VEGFA: variants seen among roughly 807,000 people sequenced by gnomAD.
VEGFA encodes the protein vascular endothelial growth factor A, long form.
A neutral mutation model predicts 49.7 loss-of-function variants in VEGFA; 20 were observed. That is an observed-to-expected ratio of 0.40 (90% CI 0.28 to 0.58). The LOEUF is 0.58. Ranked by LOEUF, VEGFA falls within the 20% of genes least tolerant of loss-of-function variation. The pLI is 0.40. For missense variants in VEGFA, 505 were observed against 553.5 expected, an observed-to-expected ratio of 0.91 and a Z score of 0.88; for synonymous variants, 219 against 223.4, an observed-to-expected ratio of 0.98 and a Z score of 0.18.
At chr6:43,776,355 G>C (rs771577949) in intron 2 of VEGFA, 4 of 152,288 alleles carry the variant, frequency 2.6e-5, no homozygotes, top group African/African-American at 9.6e-5. Flanking sequence ...TGGTAGTGGT[G>C]GTGGGGTGCG....
In VEGFA at chr6:43,774,222, T is replaced by C. The variant is rs3024989; in HGVS notation, c.607-119T>C. ...TTGTGTCCTGTTCGACTCAGAAGAC[T>C]TGGAGAAGCCAGAGGCTGTTGGTGG... On this transcript the variant is annotated intron_variant, in intron 1 of 7. Transcript: ENST00000672860. 1,981 of 1,086,992 alleles carry C rather than the reference T, an allele frequency of 1.8e-3. 20 individuals carry two copies. In the African/African-American group the frequency reaches 0.027, roughly 15 times the overall value. 67.3% of individuals were successfully genotyped at this position (1,086,992 alleles called of 1,614,324 possible).
Position 43,770,597 on chromosome 6 carries a change from G to C in VEGFA, c.-110G>C. The C allele has an allele frequency of 2.1e-6, 3 of 1,423,208 alleles. No homozygotes were observed. The highest frequency in any genetic ancestry group is 2.7e-6 in the Non-Finnish European group (3 of 1,094,346). The allele number at this position is 1,423,208 out of a possible 1,614,324, so 88.2% of individuals were successfully genotyped here. On this transcript the variant is annotated 5_prime_UTR_variant, in exon 1 of 8. Transcript: ENST00000672860. ...ACGGGGTCAGAGAGAGCGCGCGGGC[G>C]TGCGAGCAGCGAAAGCGACAGGGGC...
Position 43,770,607 on chromosome 6 carries a change from C to T in VEGFA, c.-100C>T. ...AGAGAGCGCGCGGGCGTGCGAGCAG[C>T]GAAAGCGACAGGGGCAAAGTGAGTG... is the stretch of plus-strand genomic sequence containing the variant. On this transcript the variant is annotated 5_prime_UTR_variant, in exon 1 of 8. Transcript: ENST00000672860. 2.1e-6 allele frequency: 3 copies of T among 1,431,832 alleles called. No homozygotes were observed. The highest frequency in any genetic ancestry group is 2.7e-6 in the Non-Finnish European group (3 of 1,099,730). 88.7% of individuals were successfully genotyped at this position (1,431,832 alleles called of 1,614,324 possible).
chr6:43,771,946 C>G (rs1301841466), intron 1 of VEGFA: 1 of 931,490 alleles, frequency 1.1e-6, no homozygotes, highest in South Asian at 4.9e-5. Flanking sequence ...CGCCCTCCCC[C>G]GCCCGGCCGG....
At position 43,782,496 on chromosome 6, in the gene VEGFA, A is replaced by T. The variant is rs183733403; in HGVS notation, c.1166+409A>T. 1.8e-4 allele frequency: 57 copies of T among 311,030 alleles called. No individual in the cohort carries two copies. In the East Asian group the frequency reaches 3.8e-3, roughly 21 times the overall value. The allele number at this position is 311,030 out of a possible 1,614,324, so 19.3% of individuals were successfully genotyped here. A position where few individuals can be genotyped will look rare whatever the true frequency, so the allele number is the denominator to read the frequency against. On this transcript the variant is annotated intron_variant, in intron 7 of 7. Transcript: ENST00000672860. Reference sequence around the variant, plus strand: ...CAGGTGTGGACAATGTCAACAAAGCACAGATGCTCTCGCTGGGGCCTTGCC... The same window carrying T: ...CAGGTGTGGACAATGTCAACAAAGCTCAGATGCTCTCGCTGGGGCCTTGCC...
chr6:43,774,747 A>C (rs1032966504), intron 2 of VEGFA: 1 of 436,952 alleles, frequency 2.3e-6, no homozygotes, highest in Non-Finnish European at 4.3e-6. Flanking sequence ...GTGGACATTT[A>C]GTGTCATTTC....
chr6:43,771,321 T>A lies in VEGFA; in HGVS notation c.606+9T>A. The A allele has an allele frequency of 6.3e-7, 1 of 1,596,524 alleles. No individual in the cohort carries two copies. Among genetic ancestry groups the A allele is most frequent in the East Asian group, 2.3e-5 (1 of 42,984 alleles). On this transcript the variant is annotated intron_variant, in intron 1 of 7. Coordinates refer to ENST00000672860, the MANE Select transcript of VEGFA (RefSeq NM_003376.6). ...ACCTCCACCATGCCAAGGTAAGCGG[T>A]CGTGCCCTGCTGGCGCCGCGGGCCG...
Position 43,777,009 on chromosome 6 carries a change from A to G in VEGFA, c.659-460A>G, listed in dbSNP as rs1195522681. 3.0e-6 allele frequency: 1 copy of G among 330,814 alleles called. No homozygotes were observed. Among genetic ancestry groups the G allele is most frequent in the Non-Finnish European group, 6.0e-6 (1 of 167,692 alleles). The allele number at this position is 330,814 out of a possible 1,614,324, so 20.5% of individuals were successfully genotyped here. ...ACTCAGGATGTAGTAAGTGCTCAAT[A>G]AACAGCTGTTGGTATGGTTGACGTT... On this transcript the variant is annotated intron_variant, in intron 2 of 7. Transcript: ENST00000672860. This position sits in a 1 kb window ranked among gnomAD's most constrained non-coding sequence, Gnocchi z 4.3.
Position 43,778,047 on chromosome 6 carries a change from C to G in VEGFA, c.855+382C>G, listed in dbSNP as rs372725517. ...AGTTTAAAAAGTCTTTTGGTGTTAC[C>G]TGGTAATGGGGCACATCTCAGCCCA... On this transcript the variant is annotated intron_variant, in intron 3 of 7. Coordinates refer to ENST00000672860, the MANE Select transcript of VEGFA (RefSeq NM_003376.6). The G allele has an allele frequency of 1.4e-4, 62 of 435,020 alleles. No homozygotes were observed. The East Asian group carries it at 1.5e-3, about 11-fold the overall frequency. 26.9% of individuals were successfully genotyped at this position (435,020 alleles called of 1,614,324 possible).
At chr6:43,782,230 T>A in intron 7 of VEGFA, 143 bp downstream of exon 7, 1 of 1,231,790 alleles carries the variant, frequency 8.1e-7, no homozygotes, top group Non-Finnish European at 1.1e-6. Context: ...GCTGCCTGCC[T>A]GGTGACTGCT....
Position 43,770,794 on chromosome 6 carries a change from C to T in VEGFA, c.88C>T (p.Arg30Cys). The T allele has an allele frequency of 6.7e-7, 1 of 1,487,152 alleles. No homozygotes were observed. The highest frequency in any genetic ancestry group is 8.9e-7 in the Non-Finnish European group (1 of 1,122,768). The allele number at this position is 1,487,152 out of a possible 1,614,324, so 92.1% of individuals were successfully genotyped here. A position where few individuals can be genotyped will look rare whatever the true frequency, so the allele number is the denominator to read the frequency against. Residue 30 changes from arginine to cysteine, a missense_variant, in exon 1 of 8, where the codon CGC becomes TGC. Arg to Cys is a radical substitution (Grantham distance 180). Transcript: ENST00000672860. The stretch of plus-strand genomic sequence containing the variant: ...GCGGACAGTGGACGCGGCGGCGAGC[C>T]GCGGGCAGGGGCCGGAGCCCGCGCC...
chr6:43,779,071 A>C (rs1259802399), intron 5 of VEGFA, 153 bp downstream of exon 5: 2 of 939,608 alleles, frequency 2.1e-6, no homozygotes, highest in Non-Finnish European at 3.5e-6. Flanking sequence ...AATGGGATGG[A>C]GCCAACTCCA....
At position 43,786,051 on chromosome 6, in the gene VEGFA, G is replaced by A. The variant is rs1049160; in HGVS notation, c.*1489G>A. The A allele has an allele frequency of 0.011, 1,939 of 181,638 alleles. 45 individuals are homozygous for A. The highest frequency in any genetic ancestry group is 0.043 in the African/African-American group (1,827 of 42,350). The allele number at this position is 181,638 out of a possible 1,614,324, so 11.3% of individuals were successfully genotyped here. A position where few individuals can be genotyped will look rare whatever the true frequency, so the allele number is the denominator to read the frequency against. On this transcript the variant is annotated 3_prime_UTR_variant, in exon 8 of 8. Transcript: ENST00000672860. Reference sequence around the variant, plus strand: ...GCTAACACTCAGCTCTGCCCTCCCCGATCCCCTGGCTCCCCAGCACACATT... The same window carrying A: ...GCTAACACTCAGCTCTGCCCTCCCCAATCCCCTGGCTCCCCAGCACACATT...
At position 43,781,876 on chromosome 6, in the gene VEGFA, G is replaced by A. The variant is rs370032305; in HGVS notation, c.1035-80G>A. 42 of 1,579,152 alleles carry A rather than the reference G, an allele frequency of 2.7e-5. 1 individual carries two copies. The South Asian group carries it at 4.5e-4, about 17-fold the overall frequency. ...TGGGGGTGCAGCTGCGGACATGTTA[G>A]GGGGTGTTGCATGGTGATTTTTTTT... On this transcript the variant is annotated intron_variant, in intron 6 of 7. Transcript: ENST00000672860.
intron 5 of VEGFA, 49 bp from the exon 6 acceptor site, chr6:43,780,683 C>G (rs1243614236): frequency 1.1e-5 from 17 of 1,570,078 alleles, no homozygotes; most frequent in Non-Finnish European, 1.4e-5. Flanking sequence ...TTCTTTTACT[C>G]CCCCCACCGC....
Position 43,780,717 on chromosome 6 carries a change from T to A in VEGFA, c.963-15T>A, listed in dbSNP as rs778370178. 6.2e-7 allele frequency: 1 copy of A among 1,613,712 alleles called. No homozygotes were observed. The highest frequency in any genetic ancestry group is 1.7e-5 in the Admixed American group (1 of 59,984). On this transcript the variant is annotated splice_polypyrimidine_tract_variant and intron_variant, in intron 5 of 7. Transcript: ENST00000672860. ...GCCCCCGCTCTCTCTCTGTCTCTGT[T>A]TTTTTATTTTCCAGAAAATCAGTTC... is the stretch of plus-strand genomic sequence containing the variant.
chr6:43,780,901 G>T, intron 6 of VEGFA, 98 bp downstream of exon 6: 2 of 1,610,034 alleles, frequency 1.2e-6, no homozygotes, highest in Non-Finnish European at 1.7e-6. Context: ...TCCCTCCCCT[G>T]GTCCTTCCCT....
chr6:43,771,316 A>G lies in VEGFA; in HGVS notation c.606+4A>G, dbSNP rs778406447. The G allele has an allele frequency of 6.2e-7, 1 of 1,601,432 alleles. No homozygotes were observed. ...GCTCTACCTCCACCATGCCAAGGTAAGCGGTCGTGCCCTGCTGGCGCCGCG... is the reference window on the plus strand; with the variant it reads ...GCTCTACCTCCACCATGCCAAGGTAGGCGGTCGTGCCCTGCTGGCGCCGCG... On this transcript the variant is annotated splice_donor_region_variant and intron_variant, in intron 1 of 7. Coordinates refer to ENST00000672860, the MANE Select transcript of VEGFA (RefSeq NM_003376.6).
rs1769214881 is a variant in VEGFA at position 43,784,961 on chromosome 6, C to G, written c.*399C>G. On this transcript the variant is annotated 3_prime_UTR_variant, in exon 8 of 8. Transcript: ENST00000672860. Reference sequence around the variant, plus strand: ...TATATATATATAAAAATAAATATCTCTATTTTATATATATAAAATATATAT... The same window carrying G: ...TATATATATATAAAAATAAATATCTGTATTTTATATATATAAAATATATAT... The G allele has an allele frequency of 5.7e-6, 1 of 176,676 alleles. No individual in the cohort carries two copies. Among genetic ancestry groups the G allele is most frequent in the Non-Finnish European group, 1.2e-5 (1 of 84,924 alleles). 10.9% of individuals were successfully genotyped at this position (176,676 alleles called of 1,614,324 possible). A position where few individuals can be genotyped will look rare whatever the true frequency, so the allele number is the denominator to read the frequency against.
Sources: allele counts gnomAD v4.1 joint callset, GRCh38; gene constraint gnomAD v4.1.1; non-coding constraint Gnocchi (gnomAD v3.1); transcripts MANE v1.5; gene names NCBI Gene and HGNC (gene_info 2026-07-23, HGNC 2026-07-21).